The following CUX1 variants were observed in gnomAD, a reference collection of about 807,000 sequenced individuals.
CUX1 encodes protein CASP.
A neutral mutation model predicts 158.8 loss-of-function variants in CUX1; 31 were observed. The ratio of observed to expected loss-of-function variants is 0.20; its 90% confidence interval spans 0.15 to 0.26. The LOEUF is 0.26. Among genes scored for constraint, CUX1 ranks in the 10% least tolerant of loss-of-function variants. The pLI is 1.00. For synonymous variants in CUX1, 879 were observed against 862.1 expected, an observed-to-expected ratio of 1.02 and a Z score of -0.34; for missense variants, 1,589 against 2,014.6, an observed-to-expected ratio of 0.79 and a Z score of 4.04.
intron 3 of CUX1, among the ~76,000 whole-genome samples, chr7:102,055,733 T>C (rs560937993): frequency 1.3e-5 from 2 of 152,324 alleles, no homozygotes; most frequent in South Asian, 2.1e-4. Context: ...GTCACATGTC[T>C]TTCACTTTAA....
downstream of CUX1, among the ~76,000 whole-genome samples, chr7:102,260,100 GGGA>G (rs782657365): frequency 0.018 from 2,538 of 144,506 alleles, 53 homozygotes; most frequent in African/African-American, 0.044. Flanking sequence ...AAATCTTGGG[GGGA>G]AAAAAAAAAA....
intron 1 of CUX1, among the ~76,000 whole-genome samples, chr7:101,898,737 C>G (rs554496133): frequency 7.0e-4 from 107 of 152,050 alleles, no homozygotes; most frequent in African/African-American, 2.4e-3. Context: ...ATTACAGGCA[C>G]GCACCACCAC....
chr7:102,125,402 C>G (rs1832519780), intron 8 of CUX1: 1 of 152,344 alleles, frequency 6.6e-6, no homozygotes, highest in South Asian at 2.1e-4. Context: ...TTCACGCCAC[C>G]TTCTGCCCCC....
chr7:101,878,608 A>G (rs1000059114), intron 1 of CUX1, among the ~76,000 whole-genome samples: 6 of 152,210 alleles, frequency 3.9e-5, no homozygotes, highest in South Asian at 4.1e-4. Context: ...TTTTCAATAC[A>G]ATGTGATTGT....
At chr7:101,964,296 TGA>T (rs1810871980) in intron 2 of CUX1, among the ~76,000 whole-genome samples, 1 of 151,924 alleles carries the variant, frequency 6.6e-6, no homozygotes, top group African/African-American at 2.4e-5. Flanking sequence ...GAGGTTGCAG[TGA>T]GCTGAGATCA....
rs191287884 is a variant in CUX1, at chr7:101,978,434, T to C, written c.142-49664T>C. Among the ~76,000 whole-genome samples, 202 of 152,350 alleles carry C rather than the reference T, an allele frequency of 1.3e-3. 2 individuals carry two copies. The East Asian group carries it at 0.017, about 13-fold the overall frequency. On this transcript the variant is annotated intron_variant, in intron 2 of 23. Transcript: ENST00000292535. ...GCCTGGTCCACCAGCAAGCCCGTCC[T>C]TCCTCCTGGATACACCTGGGCTCCC...
At position 102,255,112 on chromosome 7, in the gene CUX1, G is replaced by A. The variant is rs1461125686; in HGVS notation, c.*6070G>A. 5.0e-5 allele frequency: 49 copies of A among 985,316 alleles called. No homozygotes were observed. The highest frequency in any genetic ancestry group is 5.5e-5 in the Non-Finnish European group (46 of 830,000). 61.0% of individuals were successfully genotyped at this position (985,316 alleles called of 1,614,324 possible). ...AGTCTTCCCAATCCCAGAGGCCCCG[G>A]CGGCCTGTGCTCCTCACCACCCTGG... On this transcript the variant is annotated 3_prime_UTR_variant, in exon 24 of 24. Transcript: ENST00000292535.
chr7:102,251,464 C>A lies in CUX1; in HGVS notation c.*2422C>A. 7.1e-6 allele frequency: 7 copies of A among 985,360 alleles called. No individual in the cohort carries two copies. The highest frequency in any genetic ancestry group is 8.4e-6 in the Non-Finnish European group (7 of 829,920). The allele number at this position is 985,360 out of a possible 1,614,324, so 61.0% of individuals were successfully genotyped here. On this transcript the variant is annotated 3_prime_UTR_variant, in exon 24 of 24. Transcript: ENST00000292535. Reference sequence around the variant, plus strand: ...AAGAGTCACTACACTAAAGACAATGCCTTTTCATGAATAAGAAGTTTTCAG... The same window carrying A: ...AAGAGTCACTACACTAAAGACAATGACTTTTCATGAATAAGAAGTTTTCAG...
intron 8 of CUX1, among the ~76,000 whole-genome samples, chr7:102,138,754 C>G (rs1209953476): frequency 1.3e-5 from 2 of 152,158 alleles, no homozygotes; most frequent in African/African-American, 4.8e-5. Flanking sequence ...ACTCCCTTTA[C>G]AAAGCAGCTG....
At chr7:102,151,620 G>A (rs1315718844) in intron 8 of CUX1, among the ~76,000 whole-genome samples, 1 of 150,886 alleles carries the variant, frequency 6.6e-6, no homozygotes, top group Non-Finnish European at 1.5e-5. Context: ...CAGCTACTTG[G>A]GAGAGGCTAA....
chr7:102,188,548 T>C, intron 11 of CUX1: 1 of 152,256 alleles, frequency 6.6e-6, no homozygotes, highest in Non-Finnish European at 1.5e-5. Context: ...GGCTCACACC[T>C]GTAATCCCAG....
At chr7:101,982,309 C>T (rs913305604) in intron 2 of CUX1, among the ~76,000 whole-genome samples, 2 of 152,172 alleles carry the variant, frequency 1.3e-5, no homozygotes, top group Non-Finnish European at 2.9e-5. Flanking sequence ...GTAGGGAAGG[C>T]CAGGAGCTAG....
chr7:101,997,031 C>T (rs918475476), intron 2 of CUX1, among the ~76,000 whole-genome samples: 2 of 152,154 alleles, frequency 1.3e-5, no homozygotes, highest in Admixed American at 1.3e-4. Context: ...TTCAGAGCTG[C>T]TTACCTGGCT....
At position 102,257,927 on chromosome 7, in the gene CUX1, T is replaced by C. The variant is rs1457726163; in HGVS notation, c.*8885T>C. On this transcript the variant is annotated 3_prime_UTR_variant, in exon 24 of 24. Coordinates refer to ENST00000292535, the MANE Select transcript of CUX1 (RefSeq NM_181552.4). The stretch of plus-strand genomic sequence containing the variant: ...TTTTTTTTTTTTTGTACAAATCGCT[T>C]TGAGATGCCTCTGGTGTGTTGCTGT... 4 of 982,742 alleles carry C rather than the reference T, an allele frequency of 4.1e-6. No homozygotes were observed. The African/African-American group carries it at 5.4e-5, about 13-fold the overall frequency. The allele number at this position is 982,742 out of a possible 1,614,324, so 60.9% of individuals were successfully genotyped here.
intron 21 of CUX1, among the ~76,000 whole-genome samples, chr7:102,232,024 A>T (rs1419595476): frequency 6.6e-6 from 1 of 151,646 alleles, no homozygotes; most frequent in Non-Finnish European, 1.5e-5. Flanking sequence ...AAATTTTCTT[A>T]TAACAACTAA....
chr7:102,250,483 C>A lies in CUX1; in HGVS notation c.*1441C>A. 3 of 985,420 alleles carry A rather than the reference C, an allele frequency of 3.0e-6. No individual in the cohort carries two copies. Among genetic ancestry groups the A allele is most frequent in the Non-Finnish European group, 3.6e-6 (3 of 829,974 alleles). The allele number at this position is 985,420 out of a possible 1,614,324, so 61.0% of individuals were successfully genotyped here. A position where few individuals can be genotyped will look rare whatever the true frequency, so the allele number is the denominator to read the frequency against. The stretch of plus-strand genomic sequence containing the variant: ...TCTCTCTCTTCTTTCCCTTTTTCTT[C>A]CCACCGCAAGCACTGATGACCCTGT... On this transcript the variant is annotated 3_prime_UTR_variant, in exon 24 of 24. Transcript: ENST00000292535.
At chr7:102,280,313 C>T (rs368472556) in intron 19 of CUX1, among the ~76,000 whole-genome samples, 1 of 152,130 alleles carries the variant, frequency 6.6e-6, no homozygotes, top group South Asian at 2.1e-4. Flanking sequence ...GGCCAGGAGC[C>T]CCCCCAAGAC....
chr7:102,033,017 G>A (rs1008364371), intron 3 of CUX1, among the ~76,000 whole-genome samples: 2 of 152,216 alleles, frequency 1.3e-5, no homozygotes, highest in African/African-American at 2.4e-5. Context: ...AGGTTGAGGG[G>A]ATGAGGGGCT....
intron 8 of CUX1, chr7:102,154,065 G>A (rs961642448): frequency 1.3e-5 from 2 of 152,240 alleles, no homozygotes; most frequent in Non-Finnish European, 1.5e-5. Context: ...CACTTTGGGA[G>A]GCCAAGGCCA....
Sources: allele counts gnomAD v4.1 joint callset (sites outside exome capture counted in the v4.1 genomes callset), GRCh38; gene constraint gnomAD v4.1.1; transcripts MANE v1.5; gene names NCBI Gene and HGNC (gene_info 2026-07-23, HGNC 2026-07-21).